Variants in MYO1E observed in about 807,000 individuals in gnomAD.
MYO1E encodes unconventional myosin-Ie.
In MYO1E, 68 loss-of-function variants were observed where a neutral mutation model predicts 151.1. The ratio of observed to expected loss-of-function variants is 0.45; its 90% CI spans 0.37 to 0.55. MYO1E has a LOEUF of 0.55. Ranked by LOEUF, MYO1E falls within the 20% of genes least tolerant of loss-of-function variation. MYO1E has a pLI of 0.00. For missense variants in MYO1E, 1,363 were observed against 1,389.3 expected, an observed-to-expected ratio of 0.98 and a Z score of 0.30; for synonymous variants, 601 against 501.7, an observed-to-expected ratio of 1.20 and a Z score of -2.64.
At chr15:59,329,309 C>T (rs1413821661) in intron 1 of MYO1E, among the ~76,000 whole-genome samples, 1 of 152,128 alleles carries the variant, frequency 6.6e-6, no homozygotes, top group Non-Finnish European at 1.5e-5. Flanking sequence ...AACCTATATT[C>T]AGTGTGAGAG....
intron 4 of MYO1E, among the ~76,000 whole-genome samples, chr15:59,240,266 T>A: frequency 6.6e-6 from 1 of 152,188 alleles, no homozygotes; most frequent in East Asian, 1.9e-4. Context: ...TCTAACAAAC[T>A]CCCTAGTTCT....
chr15:59,324,785 G>T (rs1011279750), intron 1 of MYO1E, among the ~76,000 whole-genome samples: 1 of 151,780 alleles, frequency 6.6e-6, no homozygotes, highest in Non-Finnish European at 1.5e-5. Context: ...TGAGCCTTAT[G>T]TCCTAAAGAC....
chr15:59,186,034 A>G (rs2140324248), intron 18 of MYO1E, among the ~76,000 whole-genome samples: 1 of 152,340 alleles, frequency 6.6e-6, no homozygotes, highest in South Asian at 2.1e-4. Context: ...GTGTCAGCAA[A>G]TGGGTGGTGC....
intron 1 of MYO1E, among the ~76,000 whole-genome samples, chr15:59,325,843 A>C (rs1370685140): frequency 6.6e-6 from 1 of 152,128 alleles, no homozygotes; most frequent in African/African-American, 2.4e-5. Context: ...TCTGTTTTTC[A>C]GTGTCTGACC....
intron 1 of MYO1E, chr15:59,359,992 T>C (rs2080876515): frequency 1.3e-5 from 2 of 152,234 alleles, no homozygotes; most frequent in African/African-American, 2.4e-5. Context: ...GAGATATTTA[T>C]GGATGAAATG....
intron 1 of MYO1E, among the ~76,000 whole-genome samples, chr15:59,351,567 C>T (rs140998483): frequency 1.2e-4 from 18 of 152,244 alleles, no homozygotes; most frequent in African/African-American, 4.1e-4. Flanking sequence ...GATGCAAAGC[C>T]GTGTTACTAG....
chr15:59,247,213 AG>A (rs1467283019), intron 4 of MYO1E, among the ~76,000 whole-genome samples: 2 of 152,182 alleles, frequency 1.3e-5, no homozygotes, highest in Admixed American at 1.3e-4. Flanking sequence ...AAAATAAAAA[AG>A]CACCTGTATT....
At position 59,271,218 on chromosome 15, in the gene MYO1E, G is replaced by T. The variant is rs1452939425; in HGVS notation, c.147+1088C>A. The T allele has an allele frequency of 3.3e-5, 5 of 152,306 alleles. No individual in the cohort carries two copies. In the East Asian group the frequency reaches 9.6e-4, roughly 29 times the overall value. 9.4% of individuals were successfully genotyped at this position (152,306 alleles called of 1,614,324 possible). On this transcript the variant is annotated intron_variant, in intron 2 of 27. Coordinates refer to ENST00000288235, the MANE Select transcript of MYO1E (RefSeq NM_004998.4). The stretch of plus-strand genomic sequence containing the variant: ...CCGCTGCAAAAGTTATTACTGCAAA[G>T]GTTCCCGTGCTTTTAGCTAATAGTC...
intron 8 of MYO1E, among the ~76,000 whole-genome samples, chr15:59,224,082 G>A (rs1398946348): frequency 6.6e-6 from 1 of 152,214 alleles, no homozygotes; most frequent in African/African-American, 2.4e-5. Flanking sequence ...TGGCAATGAA[G>A]GCCTTTGAGG....
intron 1 of MYO1E, among the ~76,000 whole-genome samples, chr15:59,351,361 G>A (rs2080822232): frequency 6.6e-6 from 1 of 152,340 alleles, no homozygotes; most frequent in South Asian, 2.1e-4. Flanking sequence ...AAAATCCACT[G>A]TGTACAAGCA....
chr15:59,218,104 A>G lies in MYO1E; in HGVS notation c.911-17T>C, dbSNP rs745458898. On this transcript the variant is annotated splice_polypyrimidine_tract_variant and intron_variant, in intron 9 of 27. Transcript: ENST00000288235. ...AAGCTAAAACTGTAGAACATAAAACAAAACATGACAATCTTTCAGAATTGT... is the reference window on the plus strand; with the variant it reads ...AAGCTAAAACTGTAGAACATAAAACGAAACATGACAATCTTTCAGAATTGT... 6.2e-7 allele frequency: 1 copy of G among 1,613,226 alleles called. No individual in the cohort carries two copies. Among genetic ancestry groups the G allele is most frequent in the African/African-American group, 1.3e-5 (1 of 74,916 alleles).
At chr15:59,301,631 C>T (rs775004984) in intron 1 of MYO1E, among the ~76,000 whole-genome samples, 13 of 152,228 alleles carry the variant, frequency 8.5e-5, no homozygotes, top group Non-Finnish European at 1.6e-4. Context: ...CCACTCTCCT[C>T]GGTCCTTGAG....
intron 2 of MYO1E, among the ~76,000 whole-genome samples, chr15:59,268,950 CA>C (rs1259363419): frequency 6.6e-6 from 1 of 151,458 alleles, no homozygotes; most frequent in Admixed American, 6.6e-5. Flanking sequence ...CTCAGCTTAC[CA>C]AAAAACCGTA....
chr15:59,206,967 G>A, intron 14 of MYO1E: 3 of 1,613,988 alleles, frequency 1.9e-6, no homozygotes, highest in Non-Finnish European at 1.7e-6. Flanking sequence ...CTGTTGTGCG[G>A]GCCAGCCAGA....
rs1429949130 is a variant in MYO1E, at chr15:59,195,552, G to A, written c.1714C>T (p.Leu572Phe). ...GTACATTTCATCAGGGTGCTCACAA[G>A]GTCATTGGCTTGTTTCTAGAAAGGA... ...GSKIKKQAND[L>F]VSTLMKCTPH... Residue 572 changes from leucine (L) to phenylalanine (F), a missense_variant, in exon 17 of 28, where the codon CTT becomes TTT. Leu to Phe is a conservative substitution (Grantham distance 22). Coordinates refer to ENST00000288235, the MANE Select transcript of MYO1E (RefSeq NM_004998.4). The A allele has an allele frequency of 6.2e-7, 1 of 1,613,716 alleles. No homozygotes were observed. The highest frequency in any genetic ancestry group is 8.5e-7 in the Non-Finnish European group (1 of 1,179,728).
intron 1 of MYO1E, among the ~76,000 whole-genome samples, chr15:59,351,088 A>G (rs2080820798): frequency 6.6e-6 from 1 of 152,176 alleles, no homozygotes; most frequent in South Asian, 2.1e-4. Flanking sequence ...TTTAGTAGAC[A>G]CAGGGTTTCA....
chr15:59,216,648 G>A (rs1164674593), intron 10 of MYO1E, among the ~76,000 whole-genome samples: 3 of 25,586 alleles, frequency 1.2e-4, no homozygotes, highest in African/African-American at 2.6e-4. Context: ...CCCCCAGTGT[G>A]TGTGTGTGTG....
At chr15:59,296,436 T>C (rs539248807) in intron 1 of MYO1E, among the ~76,000 whole-genome samples, 2 of 152,328 alleles carry the variant, frequency 1.3e-5, no homozygotes, top group East Asian at 3.9e-4. Flanking sequence ...CCACCATTAC[T>C]GTTGCTGAGA....
At chr15:59,173,246 CAGAT>C (rs2079606019) in intron 21 of MYO1E, among the ~76,000 whole-genome samples, 1 of 152,076 alleles carries the variant, frequency 6.6e-6, no homozygotes, top group South Asian at 2.1e-4. Context: ...TATTAGGAGA[CAGAT>C]AGATACACAA....
Sources: allele counts gnomAD v4.1 joint callset (sites outside exome capture counted in the v4.1 genomes callset), GRCh38; gene constraint gnomAD v4.1.1; transcripts MANE v1.5; gene names NCBI Gene and HGNC (gene_info 2026-07-23, HGNC 2026-07-21).